Variants in NT5DC1 observed in about 807,000 individuals in gnomAD.
NT5DC1 encodes the protein 5'-nucleotidase domain-containing protein 1.
NT5DC1 carries 42 observed loss-of-function variants against 59.4 expected under a neutral mutation model. The observed-to-expected ratio is 0.71, with a 90% CI of 0.55 to 0.92. NT5DC1 has a LOEUF of 0.92. Ranked by LOEUF, NT5DC1 falls within the 40% of genes least tolerant of loss-of-function variation. The pLI, the probability that NT5DC1 is intolerant of heterozygous loss-of-function variation, is 0.00. For synonymous variants in NT5DC1, 172 were observed against 188.1 expected (o/e 0.91, Z 0.70); for missense variants, 501 against 537.1 (o/e 0.93, Z 0.66).
chr6:116,214,860 G>A (rs751577758), intron 6 of NT5DC1, among the ~76,000 whole-genome samples: 1 of 151,942 alleles, frequency 6.6e-6, no homozygotes, highest in Non-Finnish European at 1.5e-5. Flanking sequence ...TCACCATGGA[G>A]GCATAGACTC....
rs1340331457 is a variant in NT5DC1 at position 116,135,328 on chromosome 6, C to T, written c.529+17383C>T. Among the ~76,000 whole-genome samples, 4 of 151,856 alleles carry T rather than the reference C, an allele frequency of 2.6e-5. No homozygotes were observed. The East Asian group carries it at 5.8e-4, about 22-fold the overall frequency. On this transcript the variant is annotated intron_variant, in intron 6 of 11. Transcript: ENST00000319550. ...GAATTGCATCAATATCATTAAAATA[C>T]GAATATTAGAGCTGAAAGAGATACT... is the stretch of plus-strand genomic sequence containing the variant.
intron 6 of NT5DC1, among the ~76,000 whole-genome samples, chr6:116,141,513 A>G (rs1257280762): frequency 6.6e-6 from 1 of 152,030 alleles, no homozygotes; most frequent in African/African-American, 2.4e-5. Context: ...AAGTCATTGT[A>G]TATTCAAGAA....
intron 6 of NT5DC1, among the ~76,000 whole-genome samples, chr6:116,128,404 G>A (rs1265197404): frequency 6.6e-6 from 1 of 152,108 alleles, no homozygotes; most frequent in Non-Finnish European, 1.5e-5. Context: ...GCTGTTTGAA[G>A]TGACTAGTCT....
In NT5DC1 at chr6:116,121,277, G is replaced by A. The variant is rs370578053; in HGVS notation, c.529+3332G>A. On this transcript the variant is annotated intron_variant, in intron 6 of 11. Transcript: ENST00000319550. ...TCCTGGAGCCCCAGGGAGACCTTTT[G>A]TTCCTGGAATCCCTGGCTGGCCTGG... 4.3e-6 allele frequency: 7 copies of A among 1,613,952 alleles called. No individual in the cohort carries two copies. The highest frequency in any genetic ancestry group is 2.2e-5 in the South Asian group (2 of 91,072).
rs1285455381 is a variant in NT5DC1 at position 116,246,286 on chromosome 6, A to G, written c.*2262A>G. 2 of 152,130 alleles carry G rather than the reference A, an allele frequency of 1.3e-5. No individual in the cohort carries two copies. The highest frequency in any genetic ancestry group is 2.9e-5 in the Non-Finnish European group (2 of 67,988). 9.4% of individuals were successfully genotyped at this position (152,130 alleles called of 1,614,324 possible). Reference sequence around the variant, plus strand: ...ACTGTTTATCGCATCAGCAGAGGAAAGATCTGAATGACTCAGTGACCAAAT... The same window carrying G: ...ACTGTTTATCGCATCAGCAGAGGAAGGATCTGAATGACTCAGTGACCAAAT... On this transcript the variant is annotated 3_prime_UTR_variant, in exon 12 of 12. Transcript: ENST00000319550.
Position 116,156,445 on chromosome 6 carries a change from A to G in NT5DC1, c.529+38500A>G, listed in dbSNP as rs118011301. Among the ~76,000 whole-genome samples, 377 of 152,292 alleles carry G rather than the reference A, an allele frequency of 2.5e-3. 2 individuals are homozygous for G. Among genetic ancestry groups the G allele is most frequent in the Non-Finnish European group, 4.6e-3 (316 of 68,022 alleles). On this transcript the variant is annotated intron_variant, in intron 6 of 11. Transcript: ENST00000319550. ...CATTATCTTTGCTTTCACTTAGCTT[A>G]TTATAGTCTGCCTCATAAGGGATTA...
chr6:116,227,493 G>C (rs2114548238), intron 8 of NT5DC1, among the ~76,000 whole-genome samples: 1 of 152,188 alleles, frequency 6.6e-6, no homozygotes, highest in East Asian at 1.9e-4. Flanking sequence ...TATTGGAGTT[G>C]CTGGATCATA....
chr6:116,170,583 T>G (rs760574140), intron 6 of NT5DC1, among the ~76,000 whole-genome samples: 35 of 152,192 alleles, frequency 2.3e-4, no homozygotes, highest in Non-Finnish European at 5.9e-5. Flanking sequence ...TTGGGTTTGT[T>G]TGTTTTAGTC....
At chr6:116,106,178 G>T in intron 1 of NT5DC1, 66 bp from the exon 2 acceptor site, 1 of 831,578 alleles carries the variant, frequency 1.2e-6, no homozygotes. Context: ...AGGGTTTTAG[G>T]TCTGTGACAT....
chr6:116,199,140 G>A (rs1196451053), intron 6 of NT5DC1, among the ~76,000 whole-genome samples: 1 of 151,930 alleles, frequency 6.6e-6, no homozygotes, highest in Non-Finnish European at 1.5e-5. Context: ...ATCACCCTCA[G>A]TCAAAAGCCG....
intron 1 of NT5DC1, among the ~76,000 whole-genome samples, chr6:116,102,035 TCA>T (rs973420477): frequency 6.6e-6 from 1 of 152,234 alleles, no homozygotes; most frequent in African/African-American, 2.4e-5. Context: ...TGGATTTACC[TCA>T]CAAGATTGTT....
chr6:116,200,008 A>G (rs1379950280), intron 6 of NT5DC1, among the ~76,000 whole-genome samples: 81 of 143,666 alleles, frequency 5.6e-4, no homozygotes, highest in African/African-American at 2.2e-3. Context: ...GTGGGGGGGG[A>G]AGAGTAACTT....
At chr6:116,179,447 A>C (rs1044745612) in intron 6 of NT5DC1, among the ~76,000 whole-genome samples, 4 of 152,114 alleles carry the variant, frequency 2.6e-5, no homozygotes, top group Non-Finnish European at 1.5e-5. Context: ...CAGCAGAAAA[A>C]AAACAATCCT....
Position 116,248,427 on chromosome 6 carries a change from C to T in NT5DC1, c.*4403C>T, listed in dbSNP as rs1771887827. ...ATTGTGATTCTCTAGGACAGGGACT[C>T]AGTAATTAAAAATATAGGCAAGGGT... is the stretch of plus-strand genomic sequence containing the variant. On this transcript the variant is annotated 3_prime_UTR_variant, in exon 12 of 12. Transcript: ENST00000319550. 2 of 152,138 alleles carry T rather than the reference C, an allele frequency of 1.3e-5. 1 individual carries two copies. The highest frequency in any genetic ancestry group is 4.1e-4 in the South Asian group (2 of 4,834). The allele number at this position is 152,138 out of a possible 1,614,324, so 9.4% of individuals were successfully genotyped here.
chr6:116,164,351 C>T (rs939945067), intron 6 of NT5DC1, among the ~76,000 whole-genome samples: 1 of 151,962 alleles, frequency 6.6e-6, no homozygotes, highest in African/African-American at 2.4e-5. Context: ...CCTTCTTTGT[C>T]TTTTTTTACT....
At chr6:116,125,747 A>C (rs1237898008) in intron 6 of NT5DC1, 1 of 343,454 alleles carries the variant, frequency 2.9e-6, no homozygotes, top group African/African-American at 2.1e-5. Flanking sequence ...ACCTAAAGGA[A>C]AAGAAACAGA....
At chr6:116,182,614 G>T (rs546499185) in intron 6 of NT5DC1, among the ~76,000 whole-genome samples, 1 of 151,792 alleles carries the variant, frequency 6.6e-6, no homozygotes, top group Non-Finnish European at 1.5e-5. Flanking sequence ...TATGGTTTTG[G>T]TTTGCATTTC....
rs141649709 is a variant in NT5DC1 at position 116,247,916 on chromosome 6, C to T, written c.*3892C>T. 6.6e-6 allele frequency: 1 copy of T among 152,266 alleles called. No individual in the cohort carries two copies. The highest frequency in any genetic ancestry group is 1.9e-4 in the East Asian group (1 of 5,192). The allele number at this position is 152,266 out of a possible 1,614,324, so 9.4% of individuals were successfully genotyped here. On this transcript the variant is annotated 3_prime_UTR_variant, in exon 12 of 12. Coordinates refer to ENST00000319550, the MANE Select transcript of NT5DC1 (RefSeq NM_152729.3). ...TTTTTGGTACATTAAATATTCAGTG[C>T]CTTTGATGAAGGGAACAAACTGATA...
chr6:116,144,956 G>T (rs1779859612), intron 6 of NT5DC1, among the ~76,000 whole-genome samples: 1 of 152,188 alleles, frequency 6.6e-6, no homozygotes, highest in Non-Finnish European at 1.5e-5. Flanking sequence ...CTAGTTGCCA[G>T]CAGTGAAGAA....
Sources: allele counts gnomAD v4.1 joint callset (sites outside exome capture counted in the v4.1 genomes callset), GRCh38; gene constraint gnomAD v4.1.1; transcripts MANE v1.5; gene names NCBI Gene and HGNC (gene_info 2026-07-23, HGNC 2026-07-21).